The following PAPPA variants were observed in gnomAD, a reference collection of about 807,000 sequenced individuals.
The protein encoded by PAPPA is pappalysin-1.
Under a neutral mutation model 164.0 loss-of-function variants are expected in PAPPA, and 60 were observed. The ratio of observed to expected loss-of-function variants is 0.37; its 90% CI spans 0.30 to 0.45. The LOEUF (loss-of-function observed/expected upper bound fraction) is 0.45, where lower values mean the gene tolerates loss of function less well. Ranked by LOEUF, PAPPA falls within the 20% of genes least tolerant of loss-of-function variation. PAPPA has a pLI of 1.00. For missense variants in PAPPA, 1,782 were observed against 2,087.3 expected (o/e 0.85, Z 2.85); for synonymous variants, 875 against 814.1 (o/e 1.07, Z -1.27).
rs1358849216 is a variant in PAPPA, at chr9:116,154,441, C to G, written c.269C>G (p.Pro90Arg). 3.1e-6 allele frequency: 4 copies of G among 1,275,466 alleles called. No homozygotes were observed. The highest frequency in any genetic ancestry group is 3.1e-5 in the African/African-American group (2 of 64,432). 79.0% of individuals were successfully genotyped at this position (1,275,466 alleles called of 1,614,324 possible). A position where few individuals can be genotyped will look rare whatever the true frequency, so the allele number is the denominator to read the frequency against. The change falls in exon 1 of 22, where the codon CCG becomes CGG. Residue 90 changes from proline (P) to arginine (R), a missense_variant. Transcript: ENST00000328252. This position sits in a 1 kb window ranked among gnomAD's most constrained non-coding sequence, Gnocchi z 5.2. ...QREARGATEEPSPPSRALYFS... is the reference protein window; with the variant it reads ...QREARGATEERSPPSRALYFS... ...GAGGCGAGGGGCGCCACCGAGGAGC[C>G]GAGCCCGCCGAGCCGGGCGCTCTAT...
At chr9:116,375,677 G>C (rs138408231) in intron 19 of PAPPA, among the ~76,000 whole-genome samples, 119 of 152,200 alleles carry the variant, frequency 7.8e-4, no homozygotes, top group African/African-American at 2.8e-3. Flanking sequence ...CCAGTCTTGG[G>C]GTCACCTGAT....
chr9:116,257,674 C>T (rs917998930), intron 7 of PAPPA, among the ~76,000 whole-genome samples: 1 of 152,016 alleles, frequency 6.6e-6, no homozygotes, highest in South Asian at 2.1e-4. Context: ...TGCACTCCAG[C>T]CTGGGCGACA....
chr9:116,327,124 A>G (rs554256611), intron 10 of PAPPA, among the ~76,000 whole-genome samples: 15 of 152,278 alleles, frequency 9.9e-5, no homozygotes, highest in Non-Finnish European at 1.8e-4. Context: ...GGAAACCCAA[A>G]GCCTAGTGGT....
intron 9 of PAPPA, among the ~76,000 whole-genome samples, chr9:116,278,653 CG>C (rs1471421822): frequency 2.2e-5 from 3 of 135,982 alleles, no homozygotes; most frequent in Non-Finnish European, 4.8e-5. Flanking sequence ...GTAGCCAAAT[CG>C]TTTTTTTTTT....
chr9:116,187,463 G>A lies in PAPPA; in HGVS notation c.725G>A (p.Gly242Asp), dbSNP rs1259020804. The A allele has an allele frequency of 6.2e-7, 1 of 1,614,174 alleles. No homozygotes were observed. The highest frequency in any genetic ancestry group is 8.5e-7 in the Non-Finnish European group (1 of 1,180,036). The change falls in exon 2 of 22, where the codon GGC (glycine) becomes GAC (aspartate). Residue 242 changes from glycine (G) to aspartate (D), a missense_variant. Transcript: ENST00000328252. This position sits in a 1 kb window ranked among gnomAD's most constrained non-coding sequence, Gnocchi z 4.2. ...TQKCKVLMLG[G>D]SALNHNYRGY... ...AAGTGCAAAGTGCTCATGTTAGGGG[G>A]CAGTGCCCTGAATCACAACTACCGG...
chr9:116,186,206 ATGTGTGTGTG>A (rs3037575), intron 1 of PAPPA, among the ~76,000 whole-genome samples: 11 of 145,224 alleles, frequency 7.6e-5, no homozygotes, highest in Admixed American at 1.4e-4. Flanking sequence ...CACTCATTAT[ATGTGTGTGTG>A]TGTGTGTGTG....
chr9:116,309,139 A>T (rs1364719414), intron 10 of PAPPA, among the ~76,000 whole-genome samples: 1 of 151,616 alleles, frequency 6.6e-6, no homozygotes, highest in African/African-American at 2.4e-5. Context: ...GCGGTGGCAC[A>T]ATCTCGGCTC....
At chr9:116,353,450 T>C (rs1298275078) in intron 16 of PAPPA, among the ~76,000 whole-genome samples, 172 bp from the exon 17 acceptor site, 1 of 152,234 alleles carries the variant, frequency 6.6e-6, no homozygotes, top group Non-Finnish European at 1.5e-5. Context: ...AAAGGAGTTC[T>C]GTGGATGAAT....
At chr9:116,302,187 C>T (rs1885982) in intron 9 of PAPPA, among the ~76,000 whole-genome samples, 3,562 of 152,130 alleles carry the variant, frequency 0.023, 84 homozygotes, top group African/African-American at 0.064. Context: ...AGGAATATTT[C>T]GAATAATGAA....
intron 19 of PAPPA, among the ~76,000 whole-genome samples, chr9:116,371,045 G>T (rs139310069): frequency 7.3e-4 from 111 of 152,276 alleles, no homozygotes; most frequent in African/African-American, 2.6e-3. Flanking sequence ...TCACTCAGGA[G>T]TCACAAACTG....
At chr9:116,180,406 G>A (rs111874521) in intron 1 of PAPPA, among the ~76,000 whole-genome samples, 44 of 152,188 alleles carry the variant, frequency 2.9e-4, no homozygotes, top group African/African-American at 1.0e-3. Flanking sequence ...TCCTTGGAGG[G>A]AAAATCAATT....
At chr9:116,366,292 T>G (rs930282960) in intron 18 of PAPPA, among the ~76,000 whole-genome samples, 1 of 152,142 alleles carries the variant, frequency 6.6e-6, no homozygotes, top group African/African-American at 2.4e-5. Flanking sequence ...ATGAGCTGAA[T>G]TACAGTCAAC....
chr9:116,353,549 G>C, intron 16 of PAPPA, 73 bp from the exon 17 acceptor site: 1 of 1,349,478 alleles, frequency 7.4e-7, no homozygotes, highest in Non-Finnish European at 1.0e-6. Context: ...GGCCCAGCTG[G>C]TGGTGTTCAT....
rs554598118 is a variant in PAPPA at position 116,310,864 on chromosome 9, C to G, written c.3147+7914C>G. On this transcript the variant is annotated intron_variant, in intron 10 of 21. Transcript: ENST00000328252. ...TAAGCAAGTCAGTTCTCTTTGCCCC[C>G]ACCCCAGTTTTTCATCTGTAATATA... Among the ~76,000 whole-genome samples, 5 of 152,224 alleles carry G rather than the reference C, an allele frequency of 3.3e-5. No individual in the cohort carries two copies. The South Asian group carries it at 1.0e-3, about 32-fold the overall frequency.
At position 116,154,736 on chromosome 9, in the gene PAPPA, A is replaced by G; in HGVS notation, c.415+149A>G. 1.0e-6 allele frequency: 1 copy of G among 986,940 alleles called. No homozygotes were observed. Among genetic ancestry groups the G allele is most frequent in the Non-Finnish European group, 1.3e-6 (1 of 764,492 alleles). 61.1% of individuals were successfully genotyped at this position (986,940 alleles called of 1,614,324 possible). ...CGAGCGGCGCAGAGACATCCGGGCGAGCTGAGAGCCTCACTTTGCTCCATC... is the reference window on the plus strand; with the variant it reads ...CGAGCGGCGCAGAGACATCCGGGCGGGCTGAGAGCCTCACTTTGCTCCATC... On this transcript the variant is annotated intron_variant, in intron 1 of 21. Coordinates refer to ENST00000328252, the MANE Select transcript of PAPPA (RefSeq NM_002581.5). This position sits in a 1 kb window ranked among gnomAD's most constrained non-coding sequence, Gnocchi z 5.2.
chr9:116,197,034 G>A (rs1844114002), intron 2 of PAPPA, among the ~76,000 whole-genome samples: 1 of 152,218 alleles, frequency 6.6e-6, no homozygotes, highest in African/African-American at 2.4e-5. Flanking sequence ...GAAAAACACA[G>A]TTTGCCAGTG....
chr9:116,264,353 C>T (rs1395921038), intron 7 of PAPPA, among the ~76,000 whole-genome samples: 3 of 152,232 alleles, frequency 2.0e-5, no homozygotes, highest in South Asian at 2.1e-4. Context: ...CCTATTTCAT[C>T]TTCATTGGCA....
At chr9:116,211,407 T>C (rs1041577973) in intron 3 of PAPPA, among the ~76,000 whole-genome samples, 4 of 152,222 alleles carry the variant, frequency 2.6e-5, no homozygotes, top group African/African-American at 9.6e-5. Context: ...CATTGGCGTT[T>C]TCATATGAAA....
In PAPPA at chr9:116,399,560, C is replaced by T. The variant is rs2118750204; in HGVS notation, c.*2944C>T. ...TGTCAGCAGCTCAAAGGCCCTAAAACACTGAAGGTTCTGCATCTGAAGTAT... is the reference window on the plus strand; with the variant it reads ...TGTCAGCAGCTCAAAGGCCCTAAAATACTGAAGGTTCTGCATCTGAAGTAT... On this transcript the variant is annotated 3_prime_UTR_variant, in exon 22 of 22. Transcript: ENST00000328252. 6.6e-6 allele frequency: 1 copy of T among 152,636 alleles called. No homozygotes were observed. Among genetic ancestry groups the T allele is most frequent in the South Asian group, 2.1e-4 (1 of 4,816 alleles). The allele number at this position is 152,636 out of a possible 1,614,324, so 9.5% of individuals were successfully genotyped here.
Sources: gnomAD v4.1 joint callset for allele counts (sites outside exome capture counted in the v4.1 genomes callset) on GRCh38, gnomAD v4.1.1 for gene constraint, Gnocchi (gnomAD v3.1) non-coding constraint, MANE v1.5 for transcripts, NCBI Gene and HGNC (gene_info 2026-07-23, HGNC 2026-07-21) for gene names.